YWHAQ: variants seen among roughly 807,000 people sequenced by gnomAD.
YWHAQ encodes the protein 14-3-3 protein theta.
In YWHAQ, 6 loss-of-function variants were observed where a neutral mutation model predicts 28.3. The ratio of observed to expected loss-of-function variants is 0.21; its 90% confidence interval spans 0.12 to 0.42. YWHAQ has a LOEUF of 0.42. Among genes scored for constraint, YWHAQ ranks in the 10% least tolerant of loss-of-function variants. The probability of loss-of-function intolerance (pLI) is 1.00; values close to 1 mark genes in which losing one functional copy is unlikely to be tolerated. For missense variants in YWHAQ, 201 were observed against 305.6 expected, an observed-to-expected ratio of 0.66 and a Z score of 2.55; for synonymous variants, 143 against 119.1, an observed-to-expected ratio of 1.20 and a Z score of -1.31.
Position 9,600,836 on chromosome 2 carries a change from T to C in YWHAQ, c.295-9321A>G, listed in dbSNP as rs558773910. On this transcript the variant is annotated intron_variant, in intron 2 of 5. Coordinates refer to ENST00000238081, the MANE Select transcript of YWHAQ (RefSeq NM_006826.4). Reference sequence around the variant, plus strand: ...CCCAACCAGTCAGCAACCATCAACATGGAGGCAAGACCCTCCACCAGCAAA... The same window carrying C: ...CCCAACCAGTCAGCAACCATCAACACGGAGGCAAGACCCTCCACCAGCAAA... 4.2e-3 allele frequency among the ~76,000 whole-genome samples: 642 copies of C among 152,330 alleles called. 2 individuals are homozygous for C. Among genetic ancestry groups the C allele is most frequent in the Middle Eastern group, 0.017 (5 of 294 alleles).
At chr2:9,586,737 A>G (rs1666349988) in intron 5 of YWHAQ, among the ~76,000 whole-genome samples, 1 of 152,176 alleles carries the variant, frequency 6.6e-6, no homozygotes, top group Non-Finnish European at 1.5e-5. Flanking sequence ...GCACCAAACT[A>G]GGGGGCTGGG....
Sources: gnomAD v4.1 joint callset for allele counts (sites outside exome capture counted in the v4.1 genomes callset) on GRCh38, gnomAD v4.1.1 for gene constraint, MANE v1.5 for transcripts, NCBI Gene and HGNC (gene_info 2026-07-23, HGNC 2026-07-21) for gene names.